PAM: variants seen among roughly 807,000 people sequenced by gnomAD.
The protein encoded by PAM is peptidyl-glycine alpha-amidating monooxygenase.
In PAM, 72 loss-of-function variants were observed where a neutral mutation model predicts 122.1. That is an observed-to-expected ratio of 0.59 (90% CI 0.49 to 0.72). The LOEUF is 0.72. Among genes scored for constraint, PAM ranks in the 30% least tolerant of loss-of-function variants. The pLI is 0.00. For synonymous variants in PAM, 389 were observed against 404.4 expected (o/e 0.96, Z 0.46); for missense variants, 1,106 against 1,183.7 (o/e 0.93, Z 0.96).
intron 15 of PAM, among the ~76,000 whole-genome samples, chr5:102,977,487 T>C (rs1334185027): frequency 6.6e-6 from 1 of 152,042 alleles, no homozygotes; most frequent in African/African-American, 2.4e-5. Flanking sequence ...CTTCATGACT[T>C]TTGGTGAAGA....
intron 1 of PAM, among the ~76,000 whole-genome samples, chr5:102,823,318 G>A (rs73189019): frequency 0.014 from 2,160 of 152,182 alleles, 45 homozygotes; most frequent in African/African-American, 0.05. Flanking sequence ...TTGAAATAGA[G>A]TCATAAGTTG....
chr5:102,888,249 A>T (rs1793756697), intron 3 of PAM, among the ~76,000 whole-genome samples: 1 of 151,890 alleles, frequency 6.6e-6, no homozygotes, highest in African/African-American at 2.4e-5. Flanking sequence ...CTCCAATTAT[A>T]GACTTAATCC....
chr5:102,760,275 A>C (rs1398146714), intron 1 of PAM, among the ~76,000 whole-genome samples: 1 of 152,134 alleles, frequency 6.6e-6, no homozygotes, highest in East Asian at 1.9e-4. Context: ...CATGGGGGGA[A>C]CTGAGTTTCA....
chr5:102,801,667 C>T (rs1561481540), intron 1 of PAM, among the ~76,000 whole-genome samples: 1 of 152,154 alleles, frequency 6.6e-6, no homozygotes, highest in African/African-American at 2.4e-5. Flanking sequence ...TCCTTAACCC[C>T]TCTTATGCTT....
At chr5:102,937,510 T>C (rs1753660821) in intron 7 of PAM, among the ~76,000 whole-genome samples, 1 of 152,144 alleles carries the variant, frequency 6.6e-6, no homozygotes, top group African/African-American at 2.4e-5. Context: ...TGACGTTTTT[T>C]TCCTTCTTCT....
At chr5:102,868,150 A>G (rs1358008212) in intron 3 of PAM, among the ~76,000 whole-genome samples, 1 of 152,250 alleles carries the variant, frequency 6.6e-6, no homozygotes, top group African/African-American at 2.4e-5. Flanking sequence ...TCATTAAAAG[A>G]TAGTCCTCTC....
chr5:102,793,481 G>C (rs1762575591), intron 1 of PAM, among the ~76,000 whole-genome samples: 2 of 152,178 alleles, frequency 1.3e-5, no homozygotes, highest in African/African-American at 4.8e-5. Context: ...CAGTGAGCCT[G>C]ATCGCACCAC....
intron 3 of PAM, 46 bp from the exon 4 acceptor site, chr5:102,901,310 T>G (rs746745072): frequency 1.8e-5 from 20 of 1,095,430 alleles, no homozygotes; most frequent in Non-Finnish European, 2.8e-5. Flanking sequence ...ATTTCTTCCT[T>G]ACTAGCAACA....
intron 10 of PAM, 66 bp from the exon 11 acceptor site, chr5:102,949,836 T>G (rs1388724864): frequency 9.2e-6 from 8 of 874,060 alleles, no homozygotes; most frequent in Non-Finnish European, 1.5e-5. Flanking sequence ...AGTAGGAAAG[T>G]AAATATGCCT....
intron 1 of PAM, among the ~76,000 whole-genome samples, chr5:102,776,402 T>C (rs1757187513): frequency 6.6e-6 from 1 of 152,158 alleles, no homozygotes; most frequent in Admixed American, 6.6e-5. Context: ...TGTCATGAAA[T>C]CTTTTCCCAT....
intron 24 of PAM, among the ~76,000 whole-genome samples, chr5:103,027,840 A>G (rs1785406014): frequency 6.6e-6 from 1 of 152,172 alleles, no homozygotes; most frequent in Non-Finnish European, 1.5e-5. Flanking sequence ...CTGTATATCT[A>G]TAGGTAGTGT....
At chr5:102,875,367 T>A (rs1036676334) in intron 3 of PAM, among the ~76,000 whole-genome samples, 3 of 152,012 alleles carry the variant, frequency 2.0e-5, no homozygotes, top group African/African-American at 4.8e-5. Flanking sequence ...TTAATTTTTT[T>A]ATTTCTTTTA....
chr5:102,993,344 C>G (rs1270960406), intron 16 of PAM, among the ~76,000 whole-genome samples: 1 of 152,084 alleles, frequency 6.6e-6, no homozygotes, highest in South Asian at 2.1e-4. Context: ...ATAACTGTTC[C>G]TGAGTTTCTG....
At position 102,899,949 on chromosome 5, in the gene PAM, C is replaced by T. The variant is rs1041130423; in HGVS notation, c.211-1407C>T. Among the ~76,000 whole-genome samples the T allele has an allele frequency of 2.0e-5, 3 of 151,336 alleles. No homozygotes were observed. In the South Asian group the frequency reaches 6.2e-4, roughly 31 times the overall value. On this transcript the variant is annotated intron_variant, in intron 3 of 25. Coordinates refer to ENST00000438793, the MANE Select transcript of PAM (RefSeq NM_001177306.2). Reference sequence around the variant, plus strand: ...TCTTTATGACAGGAGGCAGTGGTGTCGATTAGAACAAGGTGCCCACTGGAC... The same window carrying T: ...TCTTTATGACAGGAGGCAGTGGTGTTGATTAGAACAAGGTGCCCACTGGAC...
chr5:102,986,304 G>T (rs540576484), intron 15 of PAM, among the ~76,000 whole-genome samples: 1 of 152,242 alleles, frequency 6.6e-6, no homozygotes, highest in Non-Finnish European at 1.5e-5. Flanking sequence ...GTCCCTCTTT[G>T]TAGATGACGT....
chr5:103,025,813 G>A (rs1352151444), intron 24 of PAM, among the ~76,000 whole-genome samples: 1 of 152,082 alleles, frequency 6.6e-6, no homozygotes, highest in Non-Finnish European at 1.5e-5. Flanking sequence ...TCATAAAAAA[G>A]TGGGGATAAA....
chr5:102,771,895 T>C (rs1755892526), intron 1 of PAM, among the ~76,000 whole-genome samples: 1 of 152,154 alleles, frequency 6.6e-6, no homozygotes, highest in Non-Finnish European at 1.5e-5. Flanking sequence ...GAAGAAATGT[T>C]TATGTTTTCT....
rs115039299 is a variant in PAM, at chr5:102,883,794, T to C, written c.210+16401T>C. Among the ~76,000 whole-genome samples, 1,017 of 152,086 alleles carry C rather than the reference T, an allele frequency of 6.7e-3. 8 individuals are homozygous for C. Among genetic ancestry groups the C allele is most frequent in the Non-Finnish European group, 0.013 (850 of 67,896 alleles). ...GTGGCCATCCTTGTTTTGTTCCAGT[T>C]CTCAAGGGTAATGTGTTCAACTTTT... On this transcript the variant is annotated intron_variant, in intron 3 of 25. Transcript: ENST00000438793.
intron 1 of PAM, among the ~76,000 whole-genome samples, chr5:102,818,024 C>CAAAAA (rs753744226): frequency 1.2e-3 from 69 of 55,452 alleles, no homozygotes; most frequent in East Asian, 2.2e-3. Flanking sequence ...TTTTTTTTCT[C>CAAAAA]AAAAAAAAAA....
Sources: gnomAD v4.1 joint callset for allele counts (sites outside exome capture counted in the v4.1 genomes callset) on GRCh38, gnomAD v4.1.1 for gene constraint, MANE v1.5 for transcripts, NCBI Gene and HGNC (gene_info 2026-07-23, HGNC 2026-07-21) for gene names.